The following CTNNA3 variants were observed in gnomAD, a reference collection of about 807,000 sequenced individuals.
CTNNA3 encodes catenin alpha 3.
In CTNNA3, 76 loss-of-function variants were observed where a neutral mutation model predicts 95.7. The ratio of observed to expected loss-of-function variants is 0.79; its 90% CI spans 0.66 to 0.96. The LOEUF (loss-of-function observed/expected upper bound fraction) is 0.96, where lower values mean the gene tolerates loss of function less well. CTNNA3 is among the 40% of genes least tolerant of loss of function. The pLI is 0.00. For missense variants in CTNNA3, 1,191 were observed against 1,089.8 expected (o/e 1.09, Z -1.31); for synonymous variants, 431 against 374.4 (o/e 1.15, Z -1.74).
rs533965064 is a variant in CTNNA3, at chr10:67,662,304, T to C, written c.-5-14786A>G. On this transcript the variant is annotated intron_variant, in intron 1 of 17. Coordinates refer to ENST00000433211, the MANE Select transcript of CTNNA3 (RefSeq NM_013266.4). ...AAAATAGAATGATTTTAGCAATATA[T>C]TGCAATAAAAGTTATGTGAATGTGC... is the stretch of plus-strand genomic sequence containing the variant. 3.2e-4 allele frequency among the ~76,000 whole-genome samples: 48 copies of C among 152,312 alleles called. No homozygotes were observed. The South Asian group carries it at 3.3e-3, about 11-fold the overall frequency.
intron 5 of CTNNA3, among the ~76,000 whole-genome samples, chr10:67,445,024 A>G (rs947652048): frequency 2.6e-5 from 4 of 152,166 alleles, no homozygotes; most frequent in African/African-American, 7.2e-5. Flanking sequence ...TCAGGAAAAA[A>G]AAACTAATAC....
At chr10:67,475,852 G>T (rs1847988223) in intron 5 of CTNNA3, among the ~76,000 whole-genome samples, 1 of 152,120 alleles carries the variant, frequency 6.6e-6, no homozygotes, top group African/African-American at 2.4e-5. Flanking sequence ...TCTGAATGGA[G>T]GTAAGAAATC....
intron 5 of CTNNA3, among the ~76,000 whole-genome samples, chr10:67,257,494 TAC>T (rs1306627673): frequency 6.6e-6 from 1 of 152,226 alleles, no homozygotes; most frequent in Non-Finnish European, 1.5e-5. Context: ...TGGGAAATAT[TAC>T]AGTGTGATAT....
chr10:66,641,076 T>G (rs1845501515), intron 9 of CTNNA3, among the ~76,000 whole-genome samples: 1 of 152,188 alleles, frequency 6.6e-6, no homozygotes, highest in African/African-American at 2.4e-5. Context: ...TGTATATATG[T>G]AGTAGAGTGT....
chr10:67,284,896 T>C (rs1268442158), intron 5 of CTNNA3, among the ~76,000 whole-genome samples: 1 of 152,150 alleles, frequency 6.6e-6, no homozygotes, highest in Non-Finnish European at 1.5e-5. Flanking sequence ...GAATACAAAA[T>C]TTATCAAGCC....
At chr10:66,200,107 A>G (rs1045008807) in intron 13 of CTNNA3, among the ~76,000 whole-genome samples, 1 of 151,552 alleles carries the variant, frequency 6.6e-6, no homozygotes, top group Non-Finnish European at 1.5e-5. Context: ...GTATGCACGC[A>G]TACACACGCA....
chr10:67,480,341 G>A (rs150410541), intron 5 of CTNNA3, among the ~76,000 whole-genome samples: 5 of 152,068 alleles, frequency 3.3e-5, no homozygotes, highest in African/African-American at 9.7e-5. Context: ...GTAAAAATCC[G>A]CAACACAATT....
At chr10:66,542,022 G>T (rs901421818) in intron 10 of CTNNA3, among the ~76,000 whole-genome samples, 2 of 151,916 alleles carry the variant, frequency 1.3e-5, no homozygotes, top group Admixed American at 1.3e-4. Context: ...AATCCACAAA[G>T]AGCTCAAACA....
chr10:67,190,344 A>C (rs1004685644), intron 6 of CTNNA3, among the ~76,000 whole-genome samples: 1 of 152,062 alleles, frequency 6.6e-6, no homozygotes, highest in African/African-American at 2.4e-5. Flanking sequence ...ACACAACAAC[A>C]CTTTGTATTT....
At chr10:67,675,843 G>T (rs1454214256) in intron 1 of CTNNA3, among the ~76,000 whole-genome samples, 1 of 151,964 alleles carries the variant, frequency 6.6e-6, no homozygotes, top group Non-Finnish European at 1.5e-5. Flanking sequence ...TGTTTTTTCA[G>T]TCTTTTAATT....
chr10:66,048,657 A>T (rs1451910089), intron 15 of CTNNA3, among the ~76,000 whole-genome samples: 2 of 152,110 alleles, frequency 1.3e-5, no homozygotes, highest in African/African-American at 4.8e-5. Flanking sequence ...GCTACTCGGG[A>T]GGCTGAAGCA....
intron 16 of CTNNA3, among the ~76,000 whole-genome samples, chr10:65,983,031 T>C (rs1002397191): frequency 6.6e-6 from 1 of 151,590 alleles, no homozygotes; most frequent in African/African-American, 2.4e-5. Context: ...TACTTGTAGG[T>C]TGTTTTGTTC....
At chr10:66,609,060 C>A (rs1347714327) in intron 10 of CTNNA3, among the ~76,000 whole-genome samples, 1 of 150,836 alleles carries the variant, frequency 6.6e-6, no homozygotes, top group Non-Finnish European at 1.5e-5. Flanking sequence ...GGTCTATTAT[C>A]TTTTTTTTTC....
At chr10:67,701,211 A>C (rs1841036826) in intron 1 of CTNNA3, among the ~76,000 whole-genome samples, 1 of 152,250 alleles carries the variant, frequency 6.6e-6, no homozygotes. Context: ...GCAGGATATT[A>C]TCCAGGAGAC....
chr10:66,224,933 TTTATGTCGTAC>T (rs1292280120), intron 13 of CTNNA3, among the ~76,000 whole-genome samples: 2 of 152,218 alleles, frequency 1.3e-5, no homozygotes, highest in Non-Finnish European at 1.5e-5. Flanking sequence ...ATTCTACATA[TTTATGTCGTAC>T]AAAATAATAT....
At chr10:66,341,988 T>C (rs1302162482) in intron 12 of CTNNA3, among the ~76,000 whole-genome samples, 1 of 151,852 alleles carries the variant, frequency 6.6e-6, no homozygotes, top group Non-Finnish European at 1.5e-5. Context: ...TTCACATATA[T>C]ATAATTTTTG....
intron 7 of CTNNA3, among the ~76,000 whole-genome samples, chr10:67,100,090 T>C (rs1430799097): frequency 6.6e-6 from 1 of 151,792 alleles, no homozygotes; most frequent in East Asian, 1.9e-4. Context: ...GTTTATCTAC[T>C]AATAAACCTA....
rs149584767 is a variant in CTNNA3, at chr10:67,725,471, C to T, written c.-2+37963G>A. On this transcript the variant is annotated intron_variant, in intron 1 of 17. Coordinates refer to the CTNNA3 transcript ENST00000684154. ...GGATTAAAGGGGTGAGCCACTGCGC[C>T]CGGCCTTATTGTACTTTTATATAGT... Among the ~76,000 whole-genome samples, 69 of 152,248 alleles carry T rather than the reference C, an allele frequency of 4.5e-4. 1 individual carries two copies. The East Asian group carries it at 0.013, about 29-fold the overall frequency.
At chr10:67,160,230 G>A (rs931398119) in intron 7 of CTNNA3, among the ~76,000 whole-genome samples, 1 of 152,100 alleles carries the variant, frequency 6.6e-6, no homozygotes, top group Non-Finnish European at 1.5e-5. Context: ...AAATATTGAG[G>A]AGGATGTGAA....
Sources: allele counts gnomAD v4.1 joint callset (sites outside exome capture counted in the v4.1 genomes callset), GRCh38; gene constraint gnomAD v4.1.1; transcripts MANE v1.5; gene names NCBI Gene and HGNC (gene_info 2026-07-23, HGNC 2026-07-21).